The following PRDM5 variants were observed in gnomAD, a reference collection of about 807,000 sequenced individuals.
The protein encoded by PRDM5 is PR domain zinc finger protein 5.
Under a neutral mutation model 81.2 loss-of-function variants are expected in PRDM5, and 56 were observed. The observed-to-expected ratio is 0.69, with a 90% CI of 0.56 to 0.86. The LOEUF is 0.86. PRDM5 is among the 40% of genes least tolerant of loss of function. The pLI, the probability that PRDM5 is intolerant of heterozygous loss-of-function variation, is 0.00. For synonymous variants in PRDM5, 267 were observed against 256.4 expected, an observed-to-expected ratio of 1.04 and a Z score of -0.39; for missense variants, 697 against 770.1, an observed-to-expected ratio of 0.91 and a Z score of 1.12.
chr4:120,716,847 A>G (rs576396366), intron 14 of PRDM5, among the ~76,000 whole-genome samples: 2 of 152,304 alleles, frequency 1.3e-5, no homozygotes, highest in African/African-American at 4.8e-5. Context: ...CAAATAAACC[A>G]AAATAGAAGA....
At chr4:120,787,293 G>C (rs1449349254) in intron 10 of PRDM5, among the ~76,000 whole-genome samples, 1 of 152,122 alleles carries the variant, frequency 6.6e-6, no homozygotes, top group African/African-American at 2.4e-5. Flanking sequence ...GAAATGGGCA[G>C]AGAAGTGGAG....
At chr4:120,851,479 A>T (rs1759265298) in intron 3 of PRDM5, among the ~76,000 whole-genome samples, 1 of 152,126 alleles carries the variant, frequency 6.6e-6, no homozygotes, top group Middle Eastern at 3.4e-3. Context: ...AAAAAAAAAA[A>T]AAACATCAGT....
intron 14 of PRDM5, among the ~76,000 whole-genome samples, chr4:120,728,440 T>C (rs1739764903): frequency 6.6e-6 from 1 of 152,156 alleles, no homozygotes; most frequent in Admixed American, 6.5e-5. Context: ...TATGTGTGTG[T>C]GTATATATAC....
chr4:120,720,344 C>T (rs1738416834), intron 14 of PRDM5, among the ~76,000 whole-genome samples: 1 of 152,170 alleles, frequency 6.6e-6, no homozygotes, highest in African/African-American at 2.4e-5. Flanking sequence ...TCGGAGTCCT[C>T]CACTTTTCTA....
At chr4:120,897,646 T>G (rs1764793101) in intron 2 of PRDM5, among the ~76,000 whole-genome samples, 1 of 152,226 alleles carries the variant, frequency 6.6e-6, no homozygotes, top group Non-Finnish European at 1.5e-5. Flanking sequence ...CAGTTTAATC[T>G]CTGTAATTCA....
At chr4:120,816,718 A>G (rs1310455445) in intron 6 of PRDM5, 114 bp downstream of exon 6, 1 of 1,517,318 alleles carries the variant, frequency 6.6e-7, no homozygotes, top group Non-Finnish European at 9.2e-7. Flanking sequence ...GTAAGAAGAA[A>G]AGCATTTAAA....
intron 13 of PRDM5, among the ~76,000 whole-genome samples, chr4:120,773,820 A>G (rs1379929223): frequency 6.6e-6 from 1 of 152,220 alleles, no homozygotes; most frequent in Non-Finnish European, 1.5e-5. Flanking sequence ...AAAAGAACAT[A>G]TTGCAGCAGG....
chr4:120,845,897 A>T (rs1758601407), intron 3 of PRDM5, among the ~76,000 whole-genome samples: 1 of 152,230 alleles, frequency 6.6e-6, no homozygotes, highest in Non-Finnish European at 1.5e-5. Context: ...TTAGAAGTCA[A>T]TTCCAACCCT....
intron 2 of PRDM5, among the ~76,000 whole-genome samples, chr4:120,890,479 C>T (rs953289318): frequency 1.3e-5 from 2 of 152,180 alleles, no homozygotes; most frequent in Admixed American, 6.5e-5. Flanking sequence ...TTTGGGTATA[C>T]ACCCAATAAT....
At chr4:120,857,709 G>A (rs907557335) in intron 2 of PRDM5, among the ~76,000 whole-genome samples, 1 of 152,134 alleles carries the variant, frequency 6.6e-6, no homozygotes, top group Admixed American at 6.5e-5. Flanking sequence ...AAACCCTAAC[G>A]TGTAAATGAA....
chr4:120,848,078 A>C (rs1758856149), intron 3 of PRDM5, among the ~76,000 whole-genome samples: 1 of 152,208 alleles, frequency 6.6e-6, no homozygotes, highest in African/African-American at 2.4e-5. Context: ...AGCAGCTAAA[A>C]TGAGGCAAGA....
At chr4:120,837,087 G>T (rs1757448905) in intron 3 of PRDM5, among the ~76,000 whole-genome samples, 2 of 152,094 alleles carry the variant, frequency 1.3e-5, no homozygotes, top group African/African-American at 4.8e-5. Context: ...ACATGCTCAG[G>T]AATTGCCATG....
At chr4:120,847,955 T>G (rs1758845553) in intron 3 of PRDM5, among the ~76,000 whole-genome samples, 1 of 152,124 alleles carries the variant, frequency 6.6e-6, no homozygotes. Flanking sequence ...ATTAAAACTT[T>G]CCTCTACACC....
chr4:120,914,985 A>G (rs1301327281), intron 1 of PRDM5, among the ~76,000 whole-genome samples: 1 of 152,178 alleles, frequency 6.6e-6, no homozygotes, highest in African/African-American at 2.4e-5. Flanking sequence ...TGGTATAATG[A>G]ACACTGGACA....
chr4:120,695,876 C>T (rs1431543184), intron 15 of PRDM5, among the ~76,000 whole-genome samples: 4 of 151,970 alleles, frequency 2.6e-5, no homozygotes, highest in Non-Finnish European at 5.9e-5. Context: ...TGATGTTATT[C>T]AGAAAAATTC....
At chr4:120,730,414 A>G (rs1740077300) in intron 14 of PRDM5, among the ~76,000 whole-genome samples, 1 of 152,210 alleles carries the variant, frequency 6.6e-6, no homozygotes, top group Admixed American at 6.5e-5. Context: ...CTTTATGTAG[A>G]AATAAAATTA....
At chr4:120,733,369 T>C (rs560793157) in intron 14 of PRDM5, among the ~76,000 whole-genome samples, 17 of 152,290 alleles carry the variant, frequency 1.1e-4, no homozygotes, top group African/African-American at 4.1e-4. Context: ...TTGGGCTCTC[T>C]CCTACAGTGG....
chr4:120,764,069 TC>T (rs1746026791), intron 13 of PRDM5, among the ~76,000 whole-genome samples: 1 of 151,990 alleles, frequency 6.6e-6, no homozygotes, highest in South Asian at 2.1e-4. Flanking sequence ...TTAGGGGAAA[TC>T]AAATCTCCTT....
chr4:120,843,028 TTTCTGTAAGAAACAA>T (rs1180811466), intron 3 of PRDM5, among the ~76,000 whole-genome samples: 1 of 152,134 alleles, frequency 6.6e-6, no homozygotes, highest in African/African-American at 2.4e-5. Flanking sequence ...ATTCAGAGGA[TTTCTGTAAGAAACAA>T]TCAGTCAGCT....
Sources: gnomAD v4.1 joint callset for allele counts (sites outside exome capture counted in the v4.1 genomes callset) on GRCh38, gnomAD v4.1.1 for gene constraint, MANE v1.5 for transcripts, NCBI Gene and HGNC (gene_info 2026-07-23, HGNC 2026-07-21) for gene names.